Variants in DGLUCY observed in about 807,000 individuals in gnomAD.
DGLUCY encodes D-glutamate cyclase.
In DGLUCY, 58 loss-of-function variants were observed where a neutral mutation model predicts 58.5. The observed-to-expected ratio is 0.99, with a 90% CI of 0.80 to 1.23. The LOEUF is 1.23. Among genes scored for constraint, DGLUCY ranks in the 50% most tolerant of loss-of-function variants. The pLI is 0.00. For synonymous variants in DGLUCY, 325 were observed against 314.1 expected (o/e 1.03, Z -0.37); for missense variants, 779 against 784.7 (o/e 0.99, Z 0.09).
chr14:91,062,561 ATATATATATATATATATATATAT>A lies in DGLUCY; in HGVS notation c.-82+1858_-82+1880del, dbSNP rs2043735905. ...AGACTCTGTCTAAAAAAAAAAAAAT[ATATATATATATATATATATATAT>A]ATATATATATATATATATATATATA... On this transcript the variant is annotated intron_variant, in intron 1 of 4. Coordinates refer to the DGLUCY transcript ENST00000521334. Among the ~76,000 whole-genome samples the A allele has an allele frequency of 5.8e-3, 29 of 4,970 alleles. 5 individuals are homozygous for A. The highest frequency in any genetic ancestry group is 0.011 in the African/African-American group (27 of 2,446). The allele number at this position is 4,970 out of a possible 152,430, so 3.3% of individuals were successfully genotyped here. A position where few individuals can be genotyped will look rare whatever the true frequency, so the allele number is the denominator to read the frequency against.
chr14:91,161,810 ATTTTT>A (rs3028460), intron 3 of DGLUCY, among the ~76,000 whole-genome samples: 2,029 of 147,750 alleles, frequency 0.014, 15 homozygotes, highest in East Asian at 0.029. Context: ...GATTTTTGCC[ATTTTT>A]TTTTTTTTTT....
intron 1 of DGLUCY, among the ~76,000 whole-genome samples, chr14:91,090,200 G>T (rs1034258956): frequency 6.6e-6 from 1 of 152,046 alleles, no homozygotes; most frequent in Non-Finnish European, 1.5e-5. Flanking sequence ...TCCAGACAGG[G>T]TCTGAAATTA....
intron 1 of DGLUCY, among the ~76,000 whole-genome samples, chr14:91,092,251 T>G (rs746399995): frequency 2.6e-5 from 4 of 152,168 alleles, no homozygotes; most frequent in Non-Finnish European, 5.9e-5. Flanking sequence ...AATTACAGAG[T>G]GTGCAGGACA....
chr14:91,115,292 G>C (rs1417583025), intron 1 of DGLUCY: 1 of 152,948 alleles, frequency 6.5e-6, no homozygotes, highest in African/African-American at 2.4e-5. Context: ...AGCTGACTTG[G>C]CTGGAGGGGT....
At chr14:91,208,800 AG>A (rs1256882389) in intron 12 of DGLUCY, among the ~76,000 whole-genome samples, 2 of 152,190 alleles carry the variant, frequency 1.3e-5, no homozygotes, top group African/African-American at 4.8e-5. Context: ...ATGGAATGAG[AG>A]GGAAGAATTA....
At chr14:91,108,558 A>AGAGAGAGAGAGAGAGG (rs2044640174) in intron 1 of DGLUCY, among the ~76,000 whole-genome samples, 1 of 148,972 alleles carries the variant, frequency 6.7e-6, no homozygotes. Flanking sequence ...AGAGAGAGAG[A>AGAGAGAGAGAGAGAGG]GACAGAGTTT....
At chr14:91,066,169 G>A (rs959352633) in intron 1 of DGLUCY, among the ~76,000 whole-genome samples, 9 of 152,162 alleles carry the variant, frequency 5.9e-5, no homozygotes, top group African/African-American at 2.2e-4. Flanking sequence ...CCTGAGGTCA[G>A]GAGTTTGAGA....
chr14:91,137,766 T>C (rs1451335535), intron 1 of DGLUCY, among the ~76,000 whole-genome samples: 1 of 152,120 alleles, frequency 6.6e-6, no homozygotes, highest in Non-Finnish European at 1.5e-5. Flanking sequence ...CTAGGTTTTA[T>C]GGCTGGCTTT....
intron 1 of DGLUCY, among the ~76,000 whole-genome samples, chr14:91,154,246 A>G (rs984438458): frequency 6.6e-5 from 10 of 152,162 alleles, no homozygotes; most frequent in Non-Finnish European, 1.3e-4. Context: ...CTGAGAAATC[A>G]ATCTATGTGT....
chr14:91,119,420 C>T (rs1340722983), intron 1 of DGLUCY, among the ~76,000 whole-genome samples: 1 of 152,202 alleles, frequency 6.6e-6, no homozygotes, highest in Non-Finnish European at 1.5e-5. Flanking sequence ...TTGATCTGAC[C>T]TTGTCTTTCT....
chr14:91,140,214 T>C (rs374801492), intron 1 of DGLUCY, among the ~76,000 whole-genome samples: 18 of 152,014 alleles, frequency 1.2e-4, no homozygotes, highest in East Asian at 5.8e-4. Flanking sequence ...TCCTCCTCCT[T>C]CTTCTCCTTC....
intron 1 of DGLUCY, among the ~76,000 whole-genome samples, chr14:91,067,185 A>G (rs1355522673): frequency 6.6e-6 from 1 of 152,038 alleles, no homozygotes; most frequent in East Asian, 1.9e-4. Context: ...GCTAAAGACT[A>G]CTGGCACCAA....
intron 1 of DGLUCY, among the ~76,000 whole-genome samples, chr14:91,138,207 C>T (rs1367689827): frequency 2.6e-5 from 4 of 152,038 alleles, no homozygotes; most frequent in Non-Finnish European, 2.9e-5. Context: ...TAAAGAAATA[C>T]GCAGCTGGGC....
chr14:91,200,968 A>T (rs939630048), intron 11 of DGLUCY, among the ~76,000 whole-genome samples: 1 of 149,886 alleles, frequency 6.7e-6, no homozygotes, highest in Non-Finnish European at 1.5e-5. Flanking sequence ...GTGGGGGAGG[A>T]TATTACAAAG....
intron 1 of DGLUCY, among the ~76,000 whole-genome samples, chr14:91,073,293 T>C (rs1336337086): frequency 6.6e-6 from 1 of 151,962 alleles, no homozygotes; most frequent in Non-Finnish European, 1.5e-5. Flanking sequence ...GTTCAAAAAT[T>C]AGCCAGGTGT....
intron 1 of DGLUCY, among the ~76,000 whole-genome samples, chr14:91,140,184 G>A (rs2046575890): frequency 1.3e-5 from 2 of 152,094 alleles, no homozygotes; most frequent in Admixed American, 1.3e-4. Context: ...CAATACTGTT[G>A]TTTCTCCTCT....
chr14:91,173,288 G>C lies in DGLUCY; in HGVS notation c.457-1G>C, dbSNP rs781139785. 2 of 1,601,284 alleles carry C rather than the reference G, an allele frequency of 1.2e-6. No homozygotes were observed. Reference sequence around the variant, plus strand: ...CTTGATTTTTTTTTTTTTTTGGTCAGACAACAGTGCCTTGTGTTACCCATG... The same window carrying C: ...CTTGATTTTTTTTTTTTTTTGGTCACACAACAGTGCCTTGTGTTACCCATG... On this transcript the variant is annotated splice_acceptor_variant, in intron 5 of 13. Coordinates refer to ENST00000256324, the MANE Select transcript of DGLUCY (RefSeq NM_001102368.3). LOFTEE classifies it high-confidence loss of function.
chr14:91,215,257 A>G (rs770776622), intron 12 of DGLUCY, 148 bp from the exon 13 acceptor site: 583 of 1,353,188 alleles, frequency 4.3e-4, no homozygotes, highest in Non-Finnish European at 5.3e-4. Context: ...GCTGGGGCCA[A>G]AGAATTTGTG....
chr14:91,202,609 G>T (rs528000388), intron 11 of DGLUCY, among the ~76,000 whole-genome samples: 1 of 152,066 alleles, frequency 6.6e-6, no homozygotes, highest in African/African-American at 2.4e-5. Flanking sequence ...CTGTCCCTCC[G>T]GCTGGGCAGG....
Sources: gnomAD v4.1 joint callset for allele counts (sites outside exome capture counted in the v4.1 genomes callset) on GRCh38, gnomAD v4.1.1 for gene constraint, MANE v1.5 for transcripts, NCBI Gene and HGNC (gene_info 2026-07-23, HGNC 2026-07-21) for gene names.